The following CACNA1B variants were observed in gnomAD, a reference collection of about 807,000 sequenced individuals.
The protein encoded by CACNA1B is voltage-dependent N-type calcium channel subunit alpha-1B.
Under a neutral mutation model 247.2 loss-of-function variants are expected in CACNA1B, and 70 were observed. The observed-to-expected ratio is 0.28, with a 90% CI of 0.23 to 0.35. CACNA1B has a LOEUF of 0.35. Among genes scored for constraint, CACNA1B ranks in the 10% least tolerant of loss-of-function variants. The pLI, the probability that CACNA1B is intolerant of heterozygous loss-of-function variation, is 1.00. For synonymous variants in CACNA1B, 1,231 were observed against 1,294.4 expected (o/e 0.95, Z 1.05); for missense variants, 2,367 against 3,197.4 (o/e 0.74, Z 6.26).
intron 3 of CACNA1B, among the ~76,000 whole-genome samples, chr9:137,898,099 T>G (rs1957192773): frequency 6.6e-6 from 1 of 152,214 alleles, no homozygotes; most frequent in African/African-American, 2.4e-5. Flanking sequence ...TATAGACATC[T>G]GGGTTGACAA....
In CACNA1B at chr9:137,914,835, G is replaced by A. The variant is rs761312939; in HGVS notation, c.775+29G>A. The stretch of plus-strand genomic sequence containing the variant: ...AGGCCAGGCAGCACCCTCCAGCACA[G>A]GCAAGTGCCACGGATGCGTTCATCC... On this transcript the variant is annotated intron_variant, in intron 5 of 46. Transcript: ENST00000371372. This position sits in a 1 kb window ranked among gnomAD's most constrained non-coding sequence, Gnocchi z 4.3. 3 of 1,612,002 alleles carry A rather than the reference G, an allele frequency of 1.9e-6. No individual in the cohort carries two copies. The highest frequency in any genetic ancestry group is 1.7e-6 in the Non-Finnish European group (2 of 1,178,714).
At chr9:137,964,348 C>T (rs1447597380) in intron 10 of CACNA1B, among the ~76,000 whole-genome samples, 1 of 152,178 alleles carries the variant, frequency 6.6e-6, no homozygotes, top group Non-Finnish European at 1.5e-5. Flanking sequence ...GATTCAGTCT[C>T]TTTACATAAT....
chr9:137,894,866 C>T (rs1192691502), intron 3 of CACNA1B, among the ~76,000 whole-genome samples: 1 of 152,170 alleles, frequency 6.6e-6, no homozygotes, highest in Non-Finnish European at 1.5e-5. Flanking sequence ...CTTTGCGCAG[C>T]AAAACTTTTA....
Position 138,122,452 on chromosome 9 carries a change from G to A in CACNA1B, c.*453G>A, listed in dbSNP as rs1589142598. On this transcript the variant is annotated 3_prime_UTR_variant, in exon 47 of 47. Transcript: ENST00000371372. ...GACCTCGGGACGGAGGGGATGGGGA[G>A]GGGGACACAGTCGTGGCTTGTGCAG... 5.8e-6 allele frequency: 1 copy of A among 173,248 alleles called. No homozygotes were observed. Among genetic ancestry groups the A allele is most frequent in the East Asian group, 1.6e-4 (1 of 6,244 alleles). The allele number at this position is 173,248 out of a possible 1,614,324, so 10.7% of individuals were successfully genotyped here.
In CACNA1B at chr9:137,988,571, A is replaced by AT. The variant is rs550614015; in HGVS notation, c.1974+1718dup. Among the ~76,000 whole-genome samples the AT allele has an allele frequency of 9.4e-4, 143 of 152,278 alleles. 2 individuals carry two copies. Among genetic ancestry groups the AT allele is most frequent in the African/African-American group, 3.1e-3 (130 of 41,520 alleles). ...CCCCTGCTCTGAACACAGCAATAAG[A>AT]TAAAAAAAATACACTTAGAAAATAA... On this transcript the variant is annotated intron_variant, in intron 15 of 46. Transcript: ENST00000371372.
chr9:138,053,972 A>G lies in CACNA1B; in HGVS notation c.3934A>G (p.Thr1312Ala). 1 of 1,614,002 alleles carries G rather than the reference A, an allele frequency of 6.2e-7. No individual in the cohort carries two copies. The highest frequency in any genetic ancestry group is 8.5e-7 in the Non-Finnish European group (1 of 1,179,872). ...CTTCAAAGGGAAGTTTTTCTACTGC[A>G]CAGATGAATCCAAGGAGCTGGAGAG... ...QLFKGKFFYC[T>A]DESKELERDC... Residue 1312 changes from threonine to alanine, a missense_variant, in exon 26 of 47, where the codon ACA becomes GCA. Thr to Ala is a moderately conservative substitution (Grantham distance 58, BLOSUM62 0). Transcript: ENST00000371372.
intron 22 of CACNA1B, 24 bp from the exon 23 acceptor site, chr9:138,047,375 G>A (rs1959193584): frequency 6.3e-7 from 1 of 1,586,734 alleles, no homozygotes; most frequent in Non-Finnish European, 8.7e-7. Flanking sequence ...CAGCCTTTGA[G>A]AATAACCTTC....
intron 6 of CACNA1B, among the ~76,000 whole-genome samples, chr9:137,943,240 G>A (rs1400774458): frequency 2.0e-5 from 3 of 152,048 alleles, no homozygotes; most frequent in Non-Finnish European, 2.9e-5. Context: ...GGACTCTTAC[G>A]AGAGCTGTGG....
At chr9:138,071,361 G>T (rs1034788549) in intron 32 of CACNA1B, among the ~76,000 whole-genome samples, 4 of 152,196 alleles carry the variant, frequency 2.6e-5, no homozygotes, top group Admixed American at 2.0e-4. Flanking sequence ...AGTGAGGTTG[G>T]GGCAGGCTGT....
intron 1 of CACNA1B, 99 bp from the exon 2 acceptor site, chr9:137,878,955 G>A (rs1956877347): frequency 1.4e-6 from 1 of 718,138 alleles, no homozygotes; most frequent in African/African-American, 1.8e-5. Context: ...CAGCCCCTCC[G>A]GAGACGGCCT....
chr9:137,933,968 G>A (rs540033234), intron 6 of CACNA1B, among the ~76,000 whole-genome samples: 13 of 152,240 alleles, frequency 8.5e-5, no homozygotes, highest in African/African-American at 3.1e-4. Flanking sequence ...ATGCTGTCAG[G>A]AATGCTTGTT....
Position 137,952,667 on chromosome 9 carries a change from AATGGGAGGTTGGTCTGGGGGGATG to A in CACNA1B, c.1070+291_1070+314del. On this transcript the variant is annotated intron_variant, in intron 7 of 46. Transcript: ENST00000371372. This position sits in a 1 kb window ranked among gnomAD's most constrained non-coding sequence, Gnocchi z 4.8. The stretch of plus-strand genomic sequence containing the variant: ...TGGGTAGACAGGAGGTGTGGTCTGT[AATGGGAGGTTGGTCTGGGGGGATG>A]GGAGGTGTGGTCTGTAATGGGAGGT... Among the ~76,000 whole-genome samples, 1 of 121,916 alleles carries A rather than the reference AATGGGAGGTTGGTCTGGGGGGATG, an allele frequency of 8.2e-6. No homozygotes were observed. The highest frequency in any genetic ancestry group is 4.1e-5 in the African/African-American group (1 of 24,122). 80.0% of individuals were successfully genotyped at this position (121,916 alleles called of 152,430 possible). A position where few individuals can be genotyped will look rare whatever the true frequency, so the allele number is the denominator to read the frequency against.
intron 6 of CACNA1B, among the ~76,000 whole-genome samples, chr9:137,930,447 G>T (rs1957595797): frequency 6.6e-6 from 1 of 152,106 alleles, no homozygotes; most frequent in Non-Finnish European, 1.5e-5. Flanking sequence ...TATTGTGGTG[G>T]GAGAATACAC....
At position 137,917,037 on chromosome 9, in the gene CACNA1B, T is replaced by G. The variant is rs981515396; in HGVS notation, c.776-204T>G. Among the ~76,000 whole-genome samples, 3 of 151,946 alleles carry G rather than the reference T, an allele frequency of 2.0e-5. No homozygotes were observed. The highest frequency in any genetic ancestry group is 7.2e-5 in the African/African-American group (3 of 41,394). ...GAGAGGCCAGCCGTTACTCCCTGAG[T>G]TGGTCACTCGTGAGCTCGGGGTCAG... On this transcript the variant is annotated intron_variant, in intron 5 of 46. Transcript: ENST00000371372. This position sits in a 1 kb window ranked among gnomAD's most constrained non-coding sequence, Gnocchi z 5.5.
intron 6 of CACNA1B, among the ~76,000 whole-genome samples, chr9:137,935,350 G>A (rs561638715): frequency 6.6e-5 from 10 of 152,230 alleles, no homozygotes; most frequent in East Asian, 3.9e-4. Flanking sequence ...GAGAACATGC[G>A]GTGTTTGGTT....
chr9:137,908,221 A>T (rs193239457), intron 3 of CACNA1B, among the ~76,000 whole-genome samples: 4 of 152,310 alleles, frequency 2.6e-5, no homozygotes, highest in Admixed American at 1.3e-4. Context: ...TTTATTAAAA[A>T]CAACTTTACT....
rs1959163752 is a variant in CACNA1B at position 138,043,892 on chromosome 9, C to T, written c.3405C>T (p.Pro1135=). Residue 1135 remains proline (P), a synonymous_variant, in exon 21 of 47, where the codon CCC becomes CCT. Transcript: ENST00000371372. ...ACAGCTCCATGTTCTGTTTAAGCCC[C>T]ACCAACCTGTGAGTCTCCTTGCCTG... ...VPYSSMFCLS[P]TNLLRRFCHY... 1 of 1,613,374 alleles carries T rather than the reference C, an allele frequency of 6.2e-7. No individual in the cohort carries two copies.
At chr9:138,107,218 TTTTATTTATTTA>T (rs56043117) in intron 39 of CACNA1B, among the ~76,000 whole-genome samples, 86 of 135,788 alleles carry the variant, frequency 6.3e-4, no homozygotes, top group South Asian at 2.7e-3. Flanking sequence ...AATCATCTTA[TTTTATTTATTTA>T]TTTATTTATT....
At position 138,122,318 on chromosome 9, in the gene CACNA1B, T is replaced by A; in HGVS notation, c.*319T>A. 1 of 403,336 alleles carries A rather than the reference T, an allele frequency of 2.5e-6. No homozygotes were observed. Among genetic ancestry groups the A allele is most frequent in the Non-Finnish European group, 4.5e-6 (1 of 221,442 alleles). 25.0% of individuals were successfully genotyped at this position (403,336 alleles called of 1,614,324 possible). A position where few individuals can be genotyped will look rare whatever the true frequency, so the allele number is the denominator to read the frequency against. ...AAATCCCGTGTCCTGGGACTCAGCA[T>A]CCAGCATGGGTGCTTGGAGCCGTTG... On this transcript the variant is annotated 3_prime_UTR_variant, in exon 47 of 47. Transcript: ENST00000371372.
Sources: gnomAD v4.1 joint callset for allele counts (sites outside exome capture counted in the v4.1 genomes callset) on GRCh38, gnomAD v4.1.1 for gene constraint, Gnocchi (gnomAD v3.1) non-coding constraint, MANE v1.5 for transcripts, NCBI Gene and HGNC (gene_info 2026-07-23, HGNC 2026-07-21) for gene names.